SEMA5B: variants seen among roughly 807,000 people sequenced by gnomAD.
SEMA5B encodes semaphorin-5B.
Under a neutral mutation model 135.0 loss-of-function variants are expected in SEMA5B, and 66 were observed. The observed-to-expected ratio is 0.49, with a 90% CI of 0.40 to 0.60. The LOEUF (loss-of-function observed/expected upper bound fraction) is 0.60, where lower values mean the gene tolerates loss of function less well. Ranked by LOEUF, SEMA5B falls within the 20% of genes least tolerant of loss-of-function variation. The probability of loss-of-function intolerance (pLI) is 0.00; values close to 1 mark genes in which losing one functional copy is unlikely to be tolerated. For missense variants in SEMA5B, 1,501 were observed against 1,566.3 expected (o/e 0.96, Z 0.70); for synonymous variants, 690 against 639.5 (o/e 1.08, Z -1.19).
rs1017256579 is a variant in SEMA5B at position 122,922,042 on chromosome 3, G to A, written c.1561C>T (p.Pro521Ser). 2.7e-6 allele frequency: 4 copies of A among 1,493,652 alleles called. No homozygotes were observed. Among genetic ancestry groups the A allele is most frequent in the Admixed American group, 2.3e-5 (1 of 42,830 alleles). The allele number at this position is 1,493,652 out of a possible 1,614,324, so 92.5% of individuals were successfully genotyped here. A position where few individuals can be genotyped will look rare whatever the true frequency, so the allele number is the denominator to read the frequency against. The change falls in exon 12 of 23, where the codon CCC (proline) becomes TCC (serine). Residue 521 changes from proline to serine, a missense_variant. Around this residue, in one of 2 missense-constraint regions of SEMA5B, gnomAD observed 927 missense variants for 881.6 expected, o/e 1.05. Coordinates refer to ENST00000357599, the MANE Select transcript of SEMA5B (RefSeq NM_001031702.4). ...GCYLEELHVL[P>S]PGRREPLRSL... ...CGCAGGGGCTCGCGGCGCCCGGGGG[G>A]CAGCACGTGCAGCTCCTCCAGGTAG...
At chr3:122,944,412 C>T (rs1939696178) in intron 3 of SEMA5B, among the ~76,000 whole-genome samples, 2 of 152,192 alleles carry the variant, frequency 1.3e-5, no homozygotes, top group Non-Finnish European at 2.9e-5. Flanking sequence ...TACTTTACTG[C>T]CACACTGTGT....
At chr3:122,989,849 C>T (rs570975739) in intron 1 of SEMA5B, among the ~76,000 whole-genome samples, 1 of 152,292 alleles carries the variant, frequency 6.6e-6, no homozygotes, top group Admixed American at 6.5e-5. Context: ...AGGGTGAAGA[C>T]TCCCAAACAG....
chr3:122,928,450 G>T, intron 7 of SEMA5B, 67 bp downstream of exon 7: 2 of 1,291,816 alleles, frequency 1.5e-6, no homozygotes, highest in Non-Finnish European at 2.1e-6. Flanking sequence ...CTTCAAGGCT[G>T]TGTGCCTAGG....
chr3:122,913,026 A>C lies in SEMA5B; in HGVS notation c.2542T>G (p.Ser848Ala). The change falls in exon 18 of 23, where the codon TCC becomes GCC. Residue 848 changes from serine (S) to alanine (A), a missense_variant. Ser to Ala is a moderately conservative substitution (Grantham distance 99). This residue lies in a region of SEMA5B where 927 missense variants were observed against 881.6 expected (regional missense o/e 1.05). Coordinates refer to ENST00000357599, the MANE Select transcript of SEMA5B (RefSeq NM_001031702.4). Reference sequence around the variant, plus strand: ...CAGCCCCCGCTCACCGTGTGCGGGGAGGTGCTCCCGCTGCGCAGGAGGACC... The same window carrying C: ...CAGCCCCCGCTCACCGTGTGCGGGGCGGTGCTCCCGCTGCGCAGGAGGACC... ...VEVLLRSGSTSPHTVSGGWAA... is the reference protein window; with the variant it reads ...VEVLLRSGSTAPHTVSGGWAA... 1 of 1,584,546 alleles carries C rather than the reference A, an allele frequency of 6.3e-7. No homozygotes were observed.
At chr3:122,940,841 A>G (rs1576351814) in intron 4 of SEMA5B, among the ~76,000 whole-genome samples, 1 of 151,556 alleles carries the variant, frequency 6.6e-6, no homozygotes, top group Non-Finnish European at 1.5e-5. Flanking sequence ...TCCCTATCCC[A>G]CCCTCCTGGC....
chr3:122,935,052 A>G (rs960562512), intron 5 of SEMA5B, among the ~76,000 whole-genome samples: 2 of 152,292 alleles, frequency 1.3e-5, no homozygotes, highest in African/African-American at 4.8e-5. Flanking sequence ...GTTCATGTAC[A>G]ATTCTCTTTG....
chr3:122,980,748 CCA>C (rs1941498766), intron 1 of SEMA5B, among the ~76,000 whole-genome samples: 3 of 152,186 alleles, frequency 2.0e-5, no homozygotes, highest in Non-Finnish European at 4.4e-5. Context: ...TGTACTATCG[CCA>C]CCATTCATCT....
chr3:122,937,254 G>C (rs1279226173), intron 5 of SEMA5B, among the ~76,000 whole-genome samples: 3 of 152,190 alleles, frequency 2.0e-5, no homozygotes, highest in Admixed American at 1.3e-4. Flanking sequence ...TTATAACCAG[G>C]GACCCAAAGC....
chr3:122,978,111 T>A (rs7619630), intron 1 of SEMA5B, among the ~76,000 whole-genome samples: 40,691 of 152,196 alleles, frequency 0.27, 6,882 homozygotes, highest in African/African-American at 0.49. Context: ...GTTTGCAGAC[T>A]GACGCAGGAG....
chr3:123,021,576 G>A (rs180846582), intron 1 of SEMA5B, among the ~76,000 whole-genome samples: 98 of 152,242 alleles, frequency 6.4e-4, no homozygotes, highest in South Asian at 1.9e-3. Context: ...GAGGCCTTCC[G>A]GACAATGGCT....
intron 8 of SEMA5B, 32 bp from the exon 9 acceptor site, chr3:122,926,709 G>T (rs1156796573): frequency 5.1e-5 from 81 of 1,600,606 alleles, no homozygotes; most frequent in Non-Finnish European, 6.8e-5. Context: ...AAGGGGCAGG[G>T]CAGGCCAGCG....
At chr3:122,961,878 A>G (rs1940597311) in intron 1 of SEMA5B, among the ~76,000 whole-genome samples, 1 of 152,120 alleles carries the variant, frequency 6.6e-6, no homozygotes, top group Admixed American at 6.5e-5. Context: ...GCATTCCTCA[A>G]TGGAGGCTCT....
At chr3:122,982,339 A>G (rs1165486929) in intron 1 of SEMA5B, among the ~76,000 whole-genome samples, 6 of 152,324 alleles carry the variant, frequency 3.9e-5, no homozygotes, top group African/African-American at 1.2e-4. Context: ...TCATAAACAC[A>G]TTAAATAAGA....
chr3:122,963,259 G>A (rs1015455330), intron 1 of SEMA5B, among the ~76,000 whole-genome samples: 2 of 152,212 alleles, frequency 1.3e-5, no homozygotes, highest in African/African-American at 4.8e-5. Flanking sequence ...CACTTTGGGA[G>A]GCCGAGGTGG....
At chr3:123,004,541 A>G (rs2107770455) in intron 1 of SEMA5B, among the ~76,000 whole-genome samples, 1 of 152,368 alleles carries the variant, frequency 6.6e-6, no homozygotes, top group South Asian at 2.1e-4. Context: ...AGAGAACCAC[A>G]AACACAATGG....
chr3:122,922,183 G>A, intron 11 of SEMA5B, 57 bp downstream of exon 11: 7 of 1,569,964 alleles, frequency 4.5e-6, no homozygotes, highest in Non-Finnish European at 6.1e-6. Context: ...TTGCAGCCCC[G>A]CGCCGTCCCT....
chr3:122,923,249 T>C (rs1298739720), intron 10 of SEMA5B, among the ~76,000 whole-genome samples: 1 of 152,212 alleles, frequency 6.6e-6, no homozygotes, highest in East Asian at 1.9e-4. Flanking sequence ...TTAGTACCCA[T>C]GTTGAACACA....
intron 1 of SEMA5B, among the ~76,000 whole-genome samples, chr3:123,025,153 C>T (rs1243156137): frequency 2.0e-5 from 3 of 152,200 alleles, no homozygotes; most frequent in African/African-American, 7.2e-5. Context: ...CTCTGGTTTT[C>T]TAGTCTGGCA....
chr3:122,924,009 G>T (rs1938503385), intron 9 of SEMA5B, among the ~76,000 whole-genome samples: 1 of 152,086 alleles, frequency 6.6e-6, no homozygotes, highest in East Asian at 1.9e-4. Context: ...TTATTCGGGG[G>T]CGCTGAAATA....
Sources: allele counts gnomAD v4.1 joint callset (sites outside exome capture counted in the v4.1 genomes callset), GRCh38; gene constraint gnomAD v4.1.1; regional missense constraint gnomAD v4.1.1; transcripts MANE v1.5; gene names NCBI Gene and HGNC (gene_info 2026-07-23, HGNC 2026-07-21).